Variants in WDPCP observed in about 807,000 individuals in gnomAD.
The protein encoded by WDPCP is WD repeat-containing and planar cell polarity effector protein fritz homolog.
A neutral mutation model predicts 93.1 loss-of-function variants in WDPCP; 71 were observed. That is an observed-to-expected ratio of 0.76 (90% confidence interval 0.63 to 0.93). WDPCP has a LOEUF of 0.93. Among genes scored for constraint, WDPCP ranks in the 40% least tolerant of loss-of-function variants. The pLI, the probability that WDPCP is intolerant of heterozygous loss-of-function variation, is 0.00. For synonymous variants in WDPCP, 315 were observed against 315.0 expected (o/e 1.00, Z 0.00); for missense variants, 844 against 887.4 (o/e 0.95, Z 0.62).
chr2:63,559,030 T>G (rs754027072), intron 1 of WDPCP, among the ~76,000 whole-genome samples: 6 of 152,114 alleles, frequency 3.9e-5, no homozygotes, highest in Non-Finnish European at 5.9e-5. Flanking sequence ...GCAAAAATCC[T>G]CAATAAAATA....
chr2:63,626,722 T>C (rs534933620), intron 3 of WDPCP, among the ~76,000 whole-genome samples: 4 of 152,288 alleles, frequency 2.6e-5, no homozygotes, highest in African/African-American at 9.6e-5. Context: ...TTTTACACTG[T>C]TGGTGGGAAT....
intron 10 of WDPCP, among the ~76,000 whole-genome samples, chr2:63,385,570 C>G (rs1447617870): frequency 6.6e-6 from 1 of 152,022 alleles, no homozygotes; most frequent in Non-Finnish European, 1.5e-5. Context: ...ATGTACAAGA[C>G]CTTTACACTT....
upstream of WDPCP, among the ~76,000 whole-genome samples, chr2:63,830,405 C>CA (rs912231093): frequency 2.0e-5 from 3 of 151,416 alleles, no homozygotes; most frequent in Admixed American, 1.3e-4. Flanking sequence ...GGTAAAAAGT[C>CA]AAAAAAAGGT....
At chr2:63,547,604 T>C (rs1705248223) in intron 1 of WDPCP, among the ~76,000 whole-genome samples, 1 of 151,358 alleles carries the variant, frequency 6.6e-6, no homozygotes, top group South Asian at 2.1e-4. Context: ...CACACTGAAA[T>C]ATTATTCAGC....
intron 2 of WDPCP, among the ~76,000 whole-genome samples, chr2:63,702,171 G>A (rs113434507): frequency 5.9e-5 from 9 of 151,608 alleles, no homozygotes; most frequent in African/African-American, 1.7e-4. Flanking sequence ...GATTATAGAC[G>A]CATGCCACCA....
intron 14 of WDPCP, among the ~76,000 whole-genome samples, chr2:63,238,423 T>C (rs1679586930): frequency 6.6e-6 from 1 of 152,204 alleles, no homozygotes. Flanking sequence ...AAAAAATTGA[T>C]ATTCTATCTA....
chr2:63,695,494 T>C (rs1050802251), intron 2 of WDPCP, among the ~76,000 whole-genome samples: 2 of 152,194 alleles, frequency 1.3e-5, no homozygotes, highest in Non-Finnish European at 2.9e-5. Flanking sequence ...AAACTAAAAA[T>C]TATTCATTGT....
chr2:63,810,796 G>C (rs1003964018), intron 2 of WDPCP, among the ~76,000 whole-genome samples: 1 of 152,202 alleles, frequency 6.6e-6, no homozygotes, highest in Non-Finnish European at 1.5e-5. Context: ...GTACGGAAAA[G>C]CTTTTCTATT....
chr2:63,347,307 T>A (rs1240148073), intron 12 of WDPCP, among the ~76,000 whole-genome samples: 1 of 152,240 alleles, frequency 6.6e-6, no homozygotes. Context: ...AGATGAATAA[T>A]AATTTTTGAT....
In WDPCP at chr2:63,769,105, A is replaced by C. The variant is rs950927551; in HGVS notation, n.308+44517T>G. On this transcript the variant is annotated intron_variant and non_coding_transcript_variant, in intron 2 of 4. Transcript: ENST00000467687. ...ATACTTTTTGAAAATTCTTCATGAA[A>C]TTCTCATGAAATGGCTACTTTGTAC... 3.9e-5 allele frequency among the ~76,000 whole-genome samples: 6 copies of C among 151,974 alleles called. No homozygotes were observed. In the South Asian group the frequency reaches 1.0e-3, roughly 26 times the overall value.
chr2:63,228,094 A>G (rs1678443885), intron 14 of WDPCP, among the ~76,000 whole-genome samples: 1 of 152,116 alleles, frequency 6.6e-6, no homozygotes, highest in Non-Finnish European at 1.5e-5. Context: ...TATGACTCAA[A>G]CTATGACTTT....
intron 3 of WDPCP, among the ~76,000 whole-genome samples, chr2:63,612,680 G>T (rs1709625888): frequency 6.6e-6 from 1 of 152,078 alleles, no homozygotes; most frequent in African/African-American, 2.4e-5. Flanking sequence ...ACATCTAAAT[G>T]GGCTGGTTTT....
At chr2:63,214,355 G>T (rs1350248627) in intron 14 of WDPCP, among the ~76,000 whole-genome samples, 1 of 152,212 alleles carries the variant, frequency 6.6e-6, no homozygotes, top group African/African-American at 2.4e-5. Context: ...TAGATAAACA[G>T]AACCAAAGAC....
intron 17 of WDPCP, among the ~76,000 whole-genome samples, chr2:63,138,674 G>A (rs1381347410): frequency 2.0e-5 from 3 of 151,868 alleles, no homozygotes; most frequent in South Asian, 2.1e-4. Context: ...GGATGGTCTC[G>A]ATCTCCTGAC....
chr2:63,394,225 G>T (rs1374649813), intron 10 of WDPCP, among the ~76,000 whole-genome samples: 3 of 151,974 alleles, frequency 2.0e-5, no homozygotes, highest in Non-Finnish European at 4.4e-5. Context: ...TTAACAATTG[G>T]GAAAGAACAT....
intron 17 of WDPCP, among the ~76,000 whole-genome samples, chr2:63,129,134 A>G (rs921755552): frequency 6.6e-6 from 1 of 152,182 alleles, no homozygotes; most frequent in Non-Finnish European, 1.5e-5. Context: ...GCTGAATAAT[A>G]TTTCATTATA....
chr2:63,674,488 C>A (rs1710380768), intron 2 of WDPCP, among the ~76,000 whole-genome samples: 1 of 152,114 alleles, frequency 6.6e-6, no homozygotes, highest in Admixed American at 6.5e-5. Context: ...TATTAGGTAT[C>A]TAAAATAGTC....
chr2:63,224,822 A>C (rs2104508657), intron 14 of WDPCP, among the ~76,000 whole-genome samples: 1 of 152,102 alleles, frequency 6.6e-6, no homozygotes, highest in African/African-American at 2.4e-5. Context: ...ATGTCATTGT[A>C]CATATATTTG....
At chr2:63,743,773 A>G (rs1282778983) in intron 2 of WDPCP, among the ~76,000 whole-genome samples, 1 of 152,170 alleles carries the variant, frequency 6.6e-6, no homozygotes, top group African/African-American at 2.4e-5. Flanking sequence ...GCTTAAAAGT[A>G]ACAACTGATT....
Sources: gnomAD v4.1 joint callset for allele counts (sites outside exome capture counted in the v4.1 genomes callset) on GRCh38, gnomAD v4.1.1 for gene constraint, MANE v1.5 for transcripts, NCBI Gene and HGNC (gene_info 2026-07-23, HGNC 2026-07-21) for gene names.